The following NIBAN1 variants were observed in gnomAD, a reference collection of about 807,000 sequenced individuals.
The protein encoded by NIBAN1 is protein Niban 1.
NIBAN1 carries 81 observed loss-of-function variants against 75.1 expected under a neutral mutation model. The ratio of observed to expected loss-of-function variants is 1.08; its 90% CI spans 0.90 to 1.30. The LOEUF (loss-of-function observed/expected upper bound fraction) is 1.30, where lower values mean the gene tolerates loss of function less well. Among genes scored for constraint, NIBAN1 ranks in the 50% most tolerant of loss-of-function variants. NIBAN1 has a pLI of 0.00. For synonymous variants in NIBAN1, 436 were observed against 424.8 expected (o/e 1.03, Z -0.32); for missense variants, 1,133 against 1,128.1 (o/e 1.00, Z -0.06).
chr1:184,880,552 A>G (rs234657), intron 5 of NIBAN1, among the ~76,000 whole-genome samples: 147,891 of 152,298 alleles, frequency 0.97, 71,830 homozygotes, highest in East Asian at 1. Context: ...AATGGTCCAT[A>G]CTCTATCTTA....
At chr1:184,943,767 T>C (rs1008022601) in intron 1 of NIBAN1, among the ~76,000 whole-genome samples, 9 of 152,172 alleles carry the variant, frequency 5.9e-5, no homozygotes, top group African/African-American at 1.9e-4. Flanking sequence ...TCTTTGCTCA[T>C]ATAAGTGGAA....
intron 5 of NIBAN1, among the ~76,000 whole-genome samples, chr1:184,851,957 G>A (rs1401710481): frequency 1.3e-5 from 2 of 151,966 alleles, no homozygotes; most frequent in Non-Finnish European, 2.9e-5. Context: ...CGTGAGCGCT[G>A]GCAGCTTCCA....
At chr1:184,956,377 C>T (rs1288804084) in intron 1 of NIBAN1, among the ~76,000 whole-genome samples, 3 of 152,128 alleles carry the variant, frequency 2.0e-5, no homozygotes, top group African/African-American at 7.2e-5. Flanking sequence ...TTCAGGCCAT[C>T]CAAACACTGA....
chr1:184,876,274 A>G lies in NIBAN1; in HGVS notation c.601+8359T>C, dbSNP rs117035051. ...GAAAGAGGAAACAGCTACAGGCACTACAGAGAATAAAGAGGGCATCATGAA... is the reference window on the plus strand; with the variant it reads ...GAAAGAGGAAACAGCTACAGGCACTGCAGAGAATAAAGAGGGCATCATGAA... On this transcript the variant is annotated intron_variant, in intron 5 of 13. Transcript: ENST00000367511. Among the ~76,000 whole-genome samples the G allele has an allele frequency of 3.4e-3, 516 of 152,278 alleles. 8 individuals carry two copies. In the East Asian group the frequency reaches 0.039, roughly 11 times the overall value.
chr1:184,820,209 G>C (rs1222990877), intron 8 of NIBAN1, among the ~76,000 whole-genome samples: 1 of 152,132 alleles, frequency 6.6e-6, no homozygotes. Context: ...TTAAAGAGAG[G>C]AAGTATTTGA....
chr1:184,795,300 G>GC lies in NIBAN1; in HGVS notation c.2463_2464insG (p.Leu822AlafsTer5), dbSNP rs1290485097. 1 of 1,612,576 alleles carries GC rather than the reference G, an allele frequency of 6.2e-7. No homozygotes were observed. Among genetic ancestry groups the GC allele is most frequent in the Admixed American group, 1.7e-5 (1 of 60,018 alleles). On this transcript the variant is annotated frameshift_variant, in exon 14 of 14. Transcript: ENST00000367511. LOFTEE classifies it low-confidence loss of function (END_TRUNC). ...CCCCCTCTTCCTTCATGGGCAGTGAGTGTGCAGGCCTCTCCTGGGAGCTCC... is the reference window on the plus strand; with the variant it reads ...CCCCCTCTTCCTTCATGGGCAGTGAGCTGTGCAGGCCTCTCCTGGGAGCTCC...
intron 5 of NIBAN1, among the ~76,000 whole-genome samples, chr1:184,876,694 A>G (rs1174612687): frequency 6.6e-6 from 1 of 152,116 alleles, no homozygotes. Flanking sequence ...TCTCAAAAAA[A>G]AAAAAGAAAT....
At chr1:184,919,353 T>A (rs996971003) in intron 1 of NIBAN1, among the ~76,000 whole-genome samples, 1 of 152,094 alleles carries the variant, frequency 6.6e-6, no homozygotes, top group Non-Finnish European at 1.5e-5. Context: ...TTTCTCCAAA[T>A]CCCATGTGAA....
chr1:184,852,343 G>A (rs945277527), intron 5 of NIBAN1, among the ~76,000 whole-genome samples: 1 of 152,136 alleles, frequency 6.6e-6, no homozygotes, highest in Non-Finnish European at 1.5e-5. Context: ...AACTGGGCAT[G>A]GTCAGGGGAC....
rs1655007473 is a variant in NIBAN1, at chr1:184,831,840, A to G, written c.717+7T>C. Reference sequence around the variant, plus strand: ...GAGAGAATCCAAAATTTTGAACCCCATATTACCTGGATTTCATCCCCAGTG... The same window carrying G: ...GAGAGAATCCAAAATTTTGAACCCCGTATTACCTGGATTTCATCCCCAGTG... On this transcript the variant is annotated splice_region_variant and intron_variant, in intron 6 of 13. Coordinates refer to ENST00000367511, the MANE Select transcript of NIBAN1 (RefSeq NM_052966.4). 1 of 1,610,016 alleles carries G rather than the reference A, an allele frequency of 6.2e-7. No individual in the cohort carries two copies. Among genetic ancestry groups the G allele is most frequent in the Non-Finnish European group, 8.5e-7 (1 of 1,176,360 alleles).
At position 184,899,386 on chromosome 1, in the gene NIBAN1, C is replaced by T; in HGVS notation, c.56-77G>A. 5 of 1,454,956 alleles carry T rather than the reference C, an allele frequency of 3.4e-6. No homozygotes were observed. In the South Asian group the frequency reaches 5.9e-5, roughly 17 times the overall value. 90.1% of individuals were successfully genotyped at this position (1,454,956 alleles called of 1,614,324 possible). ...TATCTACAGAGTTCCAAAAACCATC[C>T]CTCCAGTCTCTCTGTTTCTATCCCT... On this transcript the variant is annotated intron_variant, in intron 1 of 13. Coordinates refer to ENST00000367511, the MANE Select transcript of NIBAN1 (RefSeq NM_052966.4).
chr1:184,918,323 G>C (rs1657446061), intron 1 of NIBAN1, among the ~76,000 whole-genome samples: 1 of 152,038 alleles, frequency 6.6e-6, no homozygotes, highest in African/African-American at 2.4e-5. Flanking sequence ...TCCTAACTTT[G>C]CCTCTAACTG....
At chr1:184,869,602 G>T (rs1656045325) in intron 5 of NIBAN1, among the ~76,000 whole-genome samples, 1 of 151,602 alleles carries the variant, frequency 6.6e-6, no homozygotes, top group South Asian at 2.1e-4. Flanking sequence ...GAGTGCAGTG[G>T]CTCCATCTCG....
intron 1 of NIBAN1, among the ~76,000 whole-genome samples, chr1:184,936,694 C>T (rs557868472): frequency 6.6e-6 from 1 of 152,184 alleles, no homozygotes; most frequent in African/African-American, 2.4e-5. Flanking sequence ...ACACTGCGTG[C>T]GTGCGTGTGT....
intron 5 of NIBAN1, among the ~76,000 whole-genome samples, chr1:184,853,947 T>C (rs1176791345): frequency 6.6e-6 from 1 of 152,222 alleles, no homozygotes; most frequent in Admixed American, 6.5e-5. Context: ...GAAAGCCATG[T>C]ATGCAATTTT....
intron 9 of NIBAN1, among the ~76,000 whole-genome samples, chr1:184,808,984 G>A (rs1241024540): frequency 6.6e-6 from 1 of 152,158 alleles, no homozygotes; most frequent in African/African-American, 2.4e-5. Context: ...TTTTTTAAAG[G>A]AAATACTGGA....
At chr1:184,896,415 G>A (rs1455639214) in intron 2 of NIBAN1, among the ~76,000 whole-genome samples, 2 of 151,590 alleles carry the variant, frequency 1.3e-5, no homozygotes, top group African/African-American at 4.8e-5. Flanking sequence ...GTTTTTTCTT[G>A]TTGAGTTTCT....
chr1:184,843,075 A>C (rs1315771168), intron 5 of NIBAN1, among the ~76,000 whole-genome samples: 1 of 152,234 alleles, frequency 6.6e-6, no homozygotes, highest in Non-Finnish European at 1.5e-5. Context: ...GTGATGGTTA[A>C]AAATAGTACC....
At chr1:184,973,293 T>G (rs1658984675) in intron 1 of NIBAN1, among the ~76,000 whole-genome samples, 1 of 152,198 alleles carries the variant, frequency 6.6e-6, no homozygotes, top group South Asian at 2.1e-4. Context: ...CGGTCTTAAA[T>G]GTTGTGGTGA....
Sources: gnomAD v4.1 joint callset for allele counts (sites outside exome capture counted in the v4.1 genomes callset) on GRCh38, gnomAD v4.1.1 for gene constraint, MANE v1.5 for transcripts, NCBI Gene and HGNC (gene_info 2026-07-23, HGNC 2026-07-21) for gene names.